LRRC9: variants seen among roughly 807,000 people sequenced by gnomAD.
LRRC9 encodes leucine-rich repeat-containing protein 9.
In LRRC9, 122 loss-of-function variants were observed where a neutral mutation model predicts 63.2. That is an observed-to-expected ratio of 1.93 (90% CI 1.67 to 2.24). The LOEUF (loss-of-function observed/expected upper bound fraction) is 2.24. Ranked by LOEUF, LRRC9 falls within the 30% of genes most tolerant of loss-of-function variation. The pLI, the probability that LRRC9 is intolerant of heterozygous loss-of-function variation, is 0.00. For synonymous variants in LRRC9, 366 were observed against 213.1 expected (o/e 1.72, Z -6.25); for missense variants, 1,071 against 627.7 (o/e 1.71, Z -7.55).
At chr14:60,030,082 G>C (rs528557192) in intron 28 of LRRC9, among the ~76,000 whole-genome samples, 1 of 152,172 alleles carries the variant, frequency 6.6e-6, no homozygotes, top group Admixed American at 6.6e-5. Context: ...TCTATCTGTA[G>C]ATTCATACCA....
chr14:60,061,149 G>C (rs1894633580), intron 31 of LRRC9, among the ~76,000 whole-genome samples: 1 of 152,218 alleles, frequency 6.6e-6, no homozygotes, highest in Non-Finnish European at 1.5e-5. Flanking sequence ...AAACTTAGTT[G>C]ATAGAGCAGT....
intron 26 of LRRC9, among the ~76,000 whole-genome samples, chr14:60,020,839 C>T: frequency 6.6e-6 from 1 of 151,860 alleles, no homozygotes; most frequent in East Asian, 1.9e-4. Context: ...GGCCATTTCA[C>T]TGTATGGATA....
chr14:60,053,154 T>C lies in LRRC9; in HGVS notation c.4080T>C (p.Asp1360=), dbSNP rs1326937975. 6 of 701,540 alleles carry C rather than the reference T, an allele frequency of 8.6e-6. No individual in the cohort carries two copies. Among genetic ancestry groups the C allele is most frequent in the Admixed American group, 6.0e-5 (3 of 49,970 alleles). The allele number at this position is 701,540 out of a possible 1,614,324, so 43.5% of individuals were successfully genotyped here. A position where few individuals can be genotyped will look rare whatever the true frequency, so the allele number is the denominator to read the frequency against. ...ATGGAAGTCCTGTGAATTCAGATGA[T>C]AGGGCAAAAGCTGAATTTCACCTCG... is the stretch of plus-strand genomic sequence containing the variant. The change falls in exon 30 of 32, where the codon GAT becomes GAC. Residue 1360 remains aspartate (D), a synonymous_variant. Coordinates refer to ENST00000445360, the Ensembl canonical transcript of LRRC9. This position sits in a 1 kb window ranked among gnomAD's most constrained non-coding sequence, Gnocchi z 4.8.
chr14:60,000,901 C>A (rs1205638234), intron 19 of LRRC9, among the ~76,000 whole-genome samples: 1 of 151,922 alleles, frequency 6.6e-6, no homozygotes, highest in Admixed American at 6.6e-5. Flanking sequence ...AGACAACCAG[C>A]CGAACAGAAA....
chr14:60,007,330 A>C (rs1889892552), intron 22 of LRRC9, among the ~76,000 whole-genome samples: 1 of 152,120 alleles, frequency 6.6e-6, no homozygotes, highest in Non-Finnish European at 1.5e-5. Context: ...GCCATTTCAC[A>C]TTATGATGCA....
intron 21 of LRRC9, among the ~76,000 whole-genome samples, chr14:60,005,058 T>C (rs576248407): frequency 5.6e-4 from 86 of 152,264 alleles, no homozygotes; most frequent in Non-Finnish European, 9.7e-4. Context: ...GTGTATATAC[T>C]GCATTTTTCA....
At chr14:59,997,167 C>G (rs2140183871) in intron 17 of LRRC9, among the ~76,000 whole-genome samples, 1 of 151,586 alleles carries the variant, frequency 6.6e-6, no homozygotes, top group Middle Eastern at 3.4e-3. Flanking sequence ...TCCAAATTTC[C>G]AACAAGGAAC....
chr14:60,043,516 C>A (rs2140389257), intron 29 of LRRC9, among the ~76,000 whole-genome samples: 1 of 152,260 alleles, frequency 6.6e-6, no homozygotes, highest in South Asian at 2.1e-4. Context: ...TGAATTTTAT[C>A]AAATGCCTTT....
At chr14:59,935,679 A>G (rs2139808361) in intron 6 of LRRC9, among the ~76,000 whole-genome samples, 1 of 152,338 alleles carries the variant, frequency 6.6e-6, no homozygotes, top group South Asian at 2.1e-4. Context: ...GGATGTCAGG[A>G]CAAGACATCC....
At chr14:60,035,923 AT>A (rs1193117344) in intron 29 of LRRC9, among the ~76,000 whole-genome samples, 1 of 149,018 alleles carries the variant, frequency 6.7e-6, no homozygotes, top group Non-Finnish European at 1.5e-5. Context: ...TAGTATTGTC[AT>A]TTTTTTTAAC....
At chr14:60,054,251 CTTA>C (rs1894110861) in intron 30 of LRRC9, among the ~76,000 whole-genome samples, 2 of 152,106 alleles carry the variant, frequency 1.3e-5, no homozygotes, top group African/African-American at 4.8e-5. Context: ...CATTCATATA[CTTA>C]TTAAGAGCTA....
At chr14:59,939,056 T>TATATATACGTATATACAC (rs540997119) in intron 7 of LRRC9, among the ~76,000 whole-genome samples, 2 of 147,632 alleles carry the variant, frequency 1.4e-5, no homozygotes, top group East Asian at 1.9e-4. Flanking sequence ...TATATACACA[T>TATATATACGTATATACAC]ATATATACGT....
chr14:59,955,374 G>A (rs1406133459), intron 8 of LRRC9, among the ~76,000 whole-genome samples: 1 of 152,156 alleles, frequency 6.6e-6, no homozygotes, highest in Non-Finnish European at 1.5e-5. Context: ...AGTCTTGGGA[G>A]GGTGTATGTG....
downstream of LRRC9, among the ~76,000 whole-genome samples, chr14:60,066,187 T>C (rs191200542): frequency 6.6e-6 from 1 of 151,982 alleles, no homozygotes; most frequent in East Asian, 1.9e-4. Context: ...ATTGTGAATA[T>C]ATTTTTGCCT....
intron 27 of LRRC9, among the ~76,000 whole-genome samples, chr14:60,023,071 G>A (rs1291374047): frequency 6.6e-6 from 1 of 151,630 alleles, no homozygotes; most frequent in Non-Finnish European, 1.5e-5. Flanking sequence ...AGTATTCTGA[G>A]AATATATATA....
intron 12 of LRRC9, among the ~76,000 whole-genome samples, chr14:59,971,502 T>C (rs1885502113): frequency 6.6e-6 from 1 of 152,184 alleles, no homozygotes; most frequent in Non-Finnish European, 1.5e-5. Flanking sequence ...TAGCATTGAC[T>C]TTATAAATTG....
At chr14:60,009,501 G>A (rs190628712) in intron 23 of LRRC9, among the ~76,000 whole-genome samples, 136 of 152,294 alleles carry the variant, frequency 8.9e-4, no homozygotes, top group Admixed American at 1.8e-3. Context: ...CTGCCACTGG[G>A]TCCCTCCCAT....
Position 59,919,748 on chromosome 14 carries a change from G to A in LRRC9, c.-169G>A, listed in dbSNP as rs1391677084. 1.3e-5 allele frequency: 2 copies of A among 152,458 alleles called. No homozygotes were observed. The highest frequency in any genetic ancestry group is 2.9e-5 in the Non-Finnish European group (2 of 68,216). 9.4% of individuals were successfully genotyped at this position (152,458 alleles called of 1,614,324 possible). ...CATGCCCTCGGGGCTCAAGGCCAGAGAGGCTCCGCGCTTCCAGGACCCGAG... is the reference window on the plus strand; with the variant it reads ...CATGCCCTCGGGGCTCAAGGCCAGAAAGGCTCCGCGCTTCCAGGACCCGAG... On this transcript the variant is annotated 5_prime_UTR_variant, in exon 1 of 32. Coordinates refer to ENST00000445360, the Ensembl canonical transcript of LRRC9. This position sits in a 1 kb window ranked among gnomAD's most constrained non-coding sequence, Gnocchi z 4.5.
At chr14:59,944,680 A>C in exon 8 of LRRC9, 2 of 665,322 alleles carry the variant, frequency 3.0e-6, no homozygotes, top group Non-Finnish European at 5.4e-6. Flanking sequence ...CTGAATGATC[A>C]AAAATGCAAA....
Sources: allele counts gnomAD v4.1 joint callset (sites outside exome capture counted in the v4.1 genomes callset), GRCh38; gene constraint gnomAD v4.1.1; non-coding constraint Gnocchi (gnomAD v3.1); transcripts MANE v1.5; gene names NCBI Gene and HGNC (gene_info 2026-07-23, HGNC 2026-07-21).